SPSB1: variants seen among roughly 807,000 people sequenced by gnomAD.
The protein encoded by SPSB1 is SPRY domain-containing SOCS box protein 1.
A neutral mutation model predicts 21.2 loss-of-function variants in SPSB1; 8 were observed. That is an observed-to-expected ratio of 0.38 (90% confidence interval 0.22 to 0.68). SPSB1 has a LOEUF of 0.68. Ranked by LOEUF, SPSB1 falls within the 30% of genes least tolerant of loss-of-function variation. The pLI is 0.53. For synonymous variants in SPSB1, 169 were observed against 161.7 expected (o/e 1.05, Z -0.34); for missense variants, 242 against 377.8 (o/e 0.64, Z 2.98).
intron 1 of SPSB1, among the ~76,000 whole-genome samples, chr1:9,316,267 C>T (rs1271404879): frequency 6.6e-6 from 1 of 152,182 alleles, no homozygotes; most frequent in East Asian, 1.9e-4. Flanking sequence ...GAGACCCTCC[C>T]TGTGGGTGAG....
chr1:9,330,366 G>A (rs995560378), intron 1 of SPSB1, among the ~76,000 whole-genome samples: 14 of 152,178 alleles, frequency 9.2e-5, no homozygotes, highest in Non-Finnish European at 1.6e-4. Flanking sequence ...TCAGGAGGCT[G>A]AGGCAGGAGA....
intron 1 of SPSB1, among the ~76,000 whole-genome samples, chr1:9,347,943 CTTTTTTT>C (rs57731582): frequency 7.6e-6 from 1 of 132,436 alleles, no homozygotes; most frequent in African/African-American, 2.8e-5. Context: ...TTCCCTGCAA[CTTTTTTT>C]TTTTTTTTTT....
chr1:9,357,718 A>G lies in SPSB1; in HGVS notation c.694+1133A>G, dbSNP rs868853713. Among the ~76,000 whole-genome samples, 13 of 152,312 alleles carry G rather than the reference A, an allele frequency of 8.5e-5. 1 individual carries two copies. Among genetic ancestry groups the G allele is most frequent in the Middle Eastern group, 3.4e-3 (1 of 294 alleles). ...TGGGAAGGGGAGTGGCCTTTCTCAG[A>G]CTGTGAATGCAGCCCATGTGTAGGG... On this transcript the variant is annotated intron_variant, in intron 2 of 2. Coordinates refer to ENST00000328089, the MANE Select transcript of SPSB1 (RefSeq NM_025106.4).
intron 1 of SPSB1, among the ~76,000 whole-genome samples, chr1:9,353,171 ACCTCGAGAGCCGCCTCAGCCCGCCCGGCC>A (rs531911922): frequency 1.1e-3 from 164 of 151,906 alleles, no homozygotes; most frequent in South Asian, 2.3e-3. Context: ...TGCAGCTCTG[ACCTCGAGAGCCGCCTCAGCCCGCCCGGCC>A]CCTCGAGAGC....
chr1:9,304,397 C>G (rs998059112), intron 1 of SPSB1, among the ~76,000 whole-genome samples: 1 of 152,192 alleles, frequency 6.6e-6, no homozygotes, highest in Non-Finnish European at 1.5e-5. Flanking sequence ...TCATCTGTCT[C>G]TCCCTCTCGA....
In SPSB1 at chr1:9,295,241, T is replaced by TGC. The variant is rs1248659545; in HGVS notation, c.-150+2176_-150+2177dup. Reference sequence around the variant, plus strand: ...GAGTGTGTGTGTGTGTGTGTGTGTGTGCGCGCGTGCGGTTGGGGAGGTGTG... The same window carrying TGC: ...GAGTGTGTGTGTGTGTGTGTGTGTGTGCGCGCGCGTGCGGTTGGGGAGGTGTG... On this transcript the variant is annotated intron_variant, in intron 1 of 2. Coordinates refer to ENST00000328089, the MANE Select transcript of SPSB1 (RefSeq NM_025106.4). Among the ~76,000 whole-genome samples the TGC allele has an allele frequency of 4.1e-4, 54 of 132,324 alleles. 5 individuals are homozygous for TGC. The highest frequency in any genetic ancestry group is 1.2e-3 in the Admixed American group (16 of 13,426). 86.8% of individuals were successfully genotyped at this position (132,324 alleles called of 152,430 possible).
intron 1 of SPSB1, among the ~76,000 whole-genome samples, chr1:9,351,818 C>T (rs1430294030): frequency 6.6e-6 from 1 of 152,118 alleles, no homozygotes; most frequent in Non-Finnish European, 1.5e-5. Flanking sequence ...CAAGAGTAGC[C>T]CTAGGGCCAC....
chr1:9,337,716 A>G (rs892492455), intron 1 of SPSB1, among the ~76,000 whole-genome samples: 5 of 152,144 alleles, frequency 3.3e-5, no homozygotes, highest in African/African-American at 1.2e-4. Flanking sequence ...GCCCTGAGCC[A>G]ATATCCGTGG....
At chr1:9,327,996 A>G (rs529909025) in intron 1 of SPSB1, among the ~76,000 whole-genome samples, 2 of 152,380 alleles carry the variant, frequency 1.3e-5, no homozygotes, top group South Asian at 4.1e-4. Context: ...TGGATGGTGA[A>G]TGGAGTGCTG....
chr1:9,327,490 C>A (rs1359436270), intron 1 of SPSB1, among the ~76,000 whole-genome samples: 1 of 152,064 alleles, frequency 6.6e-6, no homozygotes, highest in Non-Finnish European at 1.5e-5. Context: ...GGGGAATGCA[C>A]CTTACGAGGC....
At chr1:9,319,783 A>G (rs186620278) in intron 1 of SPSB1, among the ~76,000 whole-genome samples, 1 of 152,072 alleles carries the variant, frequency 6.6e-6, no homozygotes, top group East Asian at 1.9e-4. Context: ...TGGCGGGGTG[A>G]CTGGTTCCAT....
intron 1 of SPSB1, chr1:9,294,414 G>C (rs1331631980): frequency 6.6e-6 from 1 of 152,350 alleles, no homozygotes; most frequent in South Asian, 2.1e-4. Context: ...TGGTTCCTAG[G>C]TACTGCTCCT....
chr1:9,353,030 C>T (rs972934522), intron 1 of SPSB1, among the ~76,000 whole-genome samples: 5 of 152,070 alleles, frequency 3.3e-5, no homozygotes, highest in South Asian at 2.1e-4. Flanking sequence ...ATTCCTGCCC[C>T]GTCCTCCCAG....
At chr1:9,358,331 C>T (rs746062295) in intron 2 of SPSB1, among the ~76,000 whole-genome samples, 1 of 152,154 alleles carries the variant, frequency 6.6e-6, no homozygotes, top group Non-Finnish European at 1.5e-5. Context: ...GCTTGGTCCT[C>T]GTCTGTGCAG....
At chr1:9,362,631 G>A (rs917538657) in intron 2 of SPSB1, among the ~76,000 whole-genome samples, 5 of 152,176 alleles carry the variant, frequency 3.3e-5, no homozygotes, top group South Asian at 2.1e-4. Context: ...CACTCAGCCC[G>A]TGAACTGGGC....
At chr1:9,297,241 C>T (rs560960532) in intron 1 of SPSB1, among the ~76,000 whole-genome samples, 66 of 152,244 alleles carry the variant, frequency 4.3e-4, no homozygotes, top group African/African-American at 1.6e-3. Flanking sequence ...CACCCTTGGG[C>T]GTCTCTTGGA....
chr1:9,349,943 C>G (rs569795287), intron 1 of SPSB1, among the ~76,000 whole-genome samples: 1 of 152,270 alleles, frequency 6.6e-6, no homozygotes, highest in East Asian at 1.9e-4. Flanking sequence ...TGCATACACA[C>G]ACACAGACAC....
Position 9,306,042 on chromosome 1 carries a change from ACAGAG to A in SPSB1, c.-150+12975_-150+12979del. Among the ~76,000 whole-genome samples the A allele has an allele frequency of 3.3e-5, 5 of 152,218 alleles. No homozygotes were observed. In the South Asian group the frequency reaches 1.0e-3, roughly 32 times the overall value. ...TTTAGGGAACGAAGGCGTGTTGGGG[ACAGAG>A]CAGTGGTTTTTGAGAATCAGCCAGC... On this transcript the variant is annotated intron_variant, in intron 1 of 2. Coordinates refer to ENST00000328089, the MANE Select transcript of SPSB1 (RefSeq NM_025106.4).
chr1:9,335,326 A>T (rs1639986900), intron 1 of SPSB1, among the ~76,000 whole-genome samples: 1 of 151,010 alleles, frequency 6.6e-6, no homozygotes, highest in Non-Finnish European at 1.5e-5. Flanking sequence ...ACATGGCGAA[A>T]CCCCGTCTCT....
Sources: allele counts gnomAD v4.1 joint callset (sites outside exome capture counted in the v4.1 genomes callset), GRCh38; gene constraint gnomAD v4.1.1; transcripts MANE v1.5; gene names NCBI Gene and HGNC (gene_info 2026-07-23, HGNC 2026-07-21).